The following SPAG17 variants were observed in gnomAD, a reference collection of about 807,000 sequenced individuals.
SPAG17 encodes sperm-associated antigen 17.
A neutral mutation model predicts 273.6 loss-of-function variants in SPAG17; 169 were observed. The observed-to-expected ratio is 0.62, with a 90% CI of 0.55 to 0.70. The LOEUF is 0.70. Ranked by LOEUF, SPAG17 falls within the 30% of genes least tolerant of loss-of-function variation. The pLI, the probability that SPAG17 is intolerant of heterozygous loss-of-function variation, is 0.00. For missense variants in SPAG17, 2,557 were observed against 2,627.8 expected (o/e 0.97, Z 0.59); for synonymous variants, 825 against 873.2 (o/e 0.94, Z 0.97).
chr1:118,040,511 T>G (rs916523045), intron 22 of SPAG17, among the ~76,000 whole-genome samples: 2 of 152,184 alleles, frequency 1.3e-5, no homozygotes, highest in African/African-American at 2.4e-5. Context: ...AATGGTCATA[T>G]TAGCATGTAC....
At chr1:117,987,960 T>C (rs1656620521) in intron 39 of SPAG17, 79 bp from the exon 40 acceptor site, 1 of 1,522,364 alleles carries the variant, frequency 6.6e-7, no homozygotes, top group Non-Finnish European at 9.0e-7. Context: ...CCCTCACCAC[T>C]ATATGATGAA....
chr1:117,957,739 T>C (rs780598838), intron 48 of SPAG17, among the ~76,000 whole-genome samples: 5 of 152,226 alleles, frequency 3.3e-5, no homozygotes, highest in African/African-American at 4.8e-5. Context: ...GTGTATTTTA[T>C]GTGTGGCCCG....
chr1:117,957,137 AT>A, intron 48 of SPAG17: 1 of 1,612,760 alleles, frequency 6.2e-7, no homozygotes, highest in Non-Finnish European at 8.5e-7. Context: ...TCTTTAACGA[AT>A]TCATTCAGCT....
chr1:118,041,971 C>A lies in SPAG17; in HGVS notation c.2886G>T (p.Lys962Asn). The A allele has an allele frequency of 6.2e-7, 1 of 1,613,768 alleles. No homozygotes were observed. The highest frequency in any genetic ancestry group is 8.5e-7 in the Non-Finnish European group (1 of 1,179,790). The stretch of plus-strand genomic sequence containing the variant: ...CTTTCTTTTTACCAGCTTCTTTACC[C>A]TTCTTCTCTGCTTTCTTTTCTTCCC... ...RLREEKKAEK[K>N]GKEAGKKKGK... Residue 962 changes from lysine (K) to asparagine (N), a missense_variant, in exon 21 of 49, where the codon AAG (lysine) becomes AAT (asparagine). Coordinates refer to ENST00000336338, the MANE Select transcript of SPAG17 (RefSeq NM_206996.4).
intron 3 of SPAG17, among the ~76,000 whole-genome samples, chr1:118,139,160 A>G (rs1407050806): frequency 2.0e-5 from 3 of 152,210 alleles, no homozygotes; most frequent in Admixed American, 6.5e-5. Context: ...CCTGGGGTGG[A>G]TAGACATTTC....
rs147597217 is a variant in SPAG17 at position 117,982,125 on chromosome 1, C to G, written c.5873-724G>C. Among the ~76,000 whole-genome samples, 745 of 152,208 alleles carry G rather than the reference C, an allele frequency of 4.9e-3. 7 individuals are homozygous for G. Among genetic ancestry groups the G allele is most frequent in the African/African-American group, 0.017 (707 of 41,508 alleles). ...CACATTTATAAGTCATTGTTCCAGC[C>G]TTAATCTTTGGTTTACCAACTCTGT... On this transcript the variant is annotated intron_variant, in intron 42 of 48. Transcript: ENST00000336338.
intron 46 of SPAG17, among the ~76,000 whole-genome samples, chr1:117,969,645 C>T (rs1350308478): frequency 6.6e-6 from 1 of 151,994 alleles, no homozygotes; most frequent in South Asian, 2.1e-4. Flanking sequence ...AAATAATATT[C>T]TCTGACAAAT....
chr1:118,004,436 G>A (rs1175146481), intron 32 of SPAG17, among the ~76,000 whole-genome samples: 4 of 152,202 alleles, frequency 2.6e-5, no homozygotes, highest in Non-Finnish European at 4.4e-5. Flanking sequence ...GAGACTAGAG[G>A]CAGTAGGCCT....
At chr1:118,070,823 G>A (rs142345171) in intron 17 of SPAG17, among the ~76,000 whole-genome samples, 228 of 152,220 alleles carry the variant, frequency 1.5e-3, no homozygotes, top group African/African-American at 5.2e-3. Flanking sequence ...CTTATATAGT[G>A]TATAGCACAG....
chr1:118,123,018 C>G (rs986222459), intron 3 of SPAG17, among the ~76,000 whole-genome samples: 3 of 152,024 alleles, frequency 2.0e-5, no homozygotes, highest in Non-Finnish European at 2.9e-5. Flanking sequence ...TAGAGAGAAG[C>G]AGAGATAAAA....
In SPAG17 at chr1:117,984,770, C is replaced by G; in HGVS notation, c.5682G>C (p.Glu1894Asp). 6.2e-7 allele frequency: 1 copy of G among 1,601,906 alleles called. No individual in the cohort carries two copies. The highest frequency in any genetic ancestry group is 1.1e-5 in the South Asian group (1 of 90,064). ...EKIDKTRKEI[E>D]TTQNYLMDIK... ...TATCCATTAGGTAATTCTGTGTTGT[C>G]TCAATTTCCTTCCTGGTTGATGTTT... The change falls in exon 41 of 49, where the codon GAG (glutamate) becomes GAC (aspartate). Residue 1894 changes from glutamate (E) to aspartate (D), a missense_variant. By Grantham distance (45) the Glu-to-Asp change is conservative. Coordinates refer to ENST00000336338, the MANE Select transcript of SPAG17 (RefSeq NM_206996.4).
At chr1:118,046,493 C>T (rs1456019656) in intron 20 of SPAG17, among the ~76,000 whole-genome samples, 2 of 151,722 alleles carry the variant, frequency 1.3e-5, no homozygotes, top group African/African-American at 4.8e-5. Flanking sequence ...AAAAATATTT[C>T]ATTAAGTTTA....
intron 3 of SPAG17, among the ~76,000 whole-genome samples, chr1:118,135,934 G>T (rs891972411): frequency 1.3e-5 from 2 of 152,156 alleles, no homozygotes; most frequent in Non-Finnish European, 1.5e-5. Flanking sequence ...GCAAACTTTG[G>T]ATTTGGAGTC....
At chr1:118,140,100 C>T (rs895089814) in intron 3 of SPAG17, among the ~76,000 whole-genome samples, 1 of 152,118 alleles carries the variant, frequency 6.6e-6, no homozygotes, top group African/African-American at 2.4e-5. Context: ...AAGGCTCCCA[C>T]CAGATGGGTG....
intron 28 of SPAG17, among the ~76,000 whole-genome samples, chr1:118,019,380 A>G (rs1340628145): frequency 1.3e-5 from 2 of 152,160 alleles, no homozygotes; most frequent in Admixed American, 1.3e-4. Flanking sequence ...CAGATTTAGC[A>G]GGAGACAAAA....
chr1:118,050,577 C>T (rs1650881914), intron 20 of SPAG17, among the ~76,000 whole-genome samples: 1 of 152,120 alleles, frequency 6.6e-6, no homozygotes, highest in Non-Finnish European at 1.5e-5. Flanking sequence ...ATAGAGGGCC[C>T]ATAAATAAAT....
intron 3 of SPAG17, among the ~76,000 whole-genome samples, chr1:118,146,234 A>G (rs2102334505): frequency 6.6e-6 from 1 of 152,338 alleles, no homozygotes; most frequent in African/African-American, 2.4e-5. Context: ...GAATCTTGGC[A>G]TCTATGGTAC....
In SPAG17 at chr1:117,966,744, C is replaced by T. The variant is rs1316718831; in HGVS notation, c.6397G>A (p.Gly2133Ser). The change falls in exon 47 of 49, where the codon GGT becomes AGT. Residue 2133 changes from glycine (G) to serine (S), a missense_variant. Coordinates refer to ENST00000336338, the MANE Select transcript of SPAG17 (RefSeq NM_206996.4). ...VTYKPGPVAA[G>S]MQTELNIELF... ...TCTATATTCAGTTCTGTCTGCATAC[C>T]AGCTGCCACCTATAAGACACAAGGT... 1 of 1,609,860 alleles carries T rather than the reference C, an allele frequency of 6.2e-7. No homozygotes were observed. The highest frequency in any genetic ancestry group is 1.3e-5 in the African/African-American group (1 of 74,888).
At chr1:118,091,889 G>C in intron 9 of SPAG17, 41 bp downstream of exon 9, 1 of 1,595,316 alleles carries the variant, frequency 6.3e-7, no homozygotes, top group Non-Finnish European at 8.6e-7. Flanking sequence ...TAAAGTGCCA[G>C]CTCATGGTGT....
Sources: allele counts gnomAD v4.1 joint callset (sites outside exome capture counted in the v4.1 genomes callset), GRCh38; gene constraint gnomAD v4.1.1; transcripts MANE v1.5; gene names NCBI Gene and HGNC (gene_info 2026-07-23, HGNC 2026-07-21).